The following NBEA variants were observed in gnomAD, a reference collection of about 807,000 sequenced individuals.
NBEA encodes lysosomal-trafficking regulator 2.
NBEA carries 44 observed loss-of-function variants against 343.4 expected under a neutral mutation model. The ratio of observed to expected loss-of-function variants is 0.13; its 90% confidence interval spans 0.10 to 0.16. The LOEUF (loss-of-function observed/expected upper bound fraction) is 0.16, where lower values mean the gene tolerates loss of function less well. Ranked by LOEUF, NBEA falls within the 10% of genes least tolerant of loss-of-function variation. NBEA has a pLI of 1.00. For synonymous variants in NBEA, 1,175 were observed against 1,238.7 expected, an observed-to-expected ratio of 0.95 and a Z score of 1.08; for missense variants, 2,555 against 3,631.3, an observed-to-expected ratio of 0.70 and a Z score of 7.62.
intron 33 of NBEA, among the ~76,000 whole-genome samples, chr13:35,216,532 A>C (rs902360992): frequency 1.3e-5 from 2 of 151,972 alleles, no homozygotes; most frequent in South Asian, 4.1e-4. Context: ...GTATATGAGC[A>C]TTTAAAGCCA....
At chr13:35,462,723 G>GT (rs2046977313) in intron 40 of NBEA, among the ~76,000 whole-genome samples, 1 of 151,878 alleles carries the variant, frequency 6.6e-6, no homozygotes, top group African/African-American at 2.4e-5. Flanking sequence ...CAAAGCAGCA[G>GT]TGATGAGAGC....
At chr13:35,182,053 T>G (rs1726301778) in intron 28 of NBEA, among the ~76,000 whole-genome samples, 1 of 151,736 alleles carries the variant, frequency 6.6e-6, no homozygotes, top group South Asian at 2.1e-4. Flanking sequence ...CTACATATTT[T>G]ATAAGCACAC....
intron 31 of NBEA, among the ~76,000 whole-genome samples, chr13:35,198,985 A>G (rs1218454513): frequency 6.6e-6 from 1 of 152,126 alleles, no homozygotes; most frequent in East Asian, 1.9e-4. Flanking sequence ...CAGGAGGCAC[A>G]AATTGGTGTG....
intron 48 of NBEA, among the ~76,000 whole-genome samples, chr13:35,607,363 T>A (rs569503277): frequency 3.9e-5 from 6 of 152,280 alleles, no homozygotes; most frequent in Admixed American, 3.9e-4. Context: ...TATCTGGGTG[T>A]TTAAATGAGA....
chr13:35,365,349 A>C (rs945601612), intron 38 of NBEA, among the ~76,000 whole-genome samples: 1 of 151,652 alleles, frequency 6.6e-6, no homozygotes, highest in Non-Finnish European at 1.5e-5. Context: ...AATAAAAATT[A>C]GTTTTTGGAT....
chr13:35,479,371 A>G (rs527645700), intron 41 of NBEA, among the ~76,000 whole-genome samples: 7 of 152,282 alleles, frequency 4.6e-5, no homozygotes, highest in African/African-American at 1.7e-4. Context: ...TACACTGAAC[A>G]CGTGAAATGA....
At chr13:35,217,461 T>C (rs117834389) in intron 33 of NBEA, among the ~76,000 whole-genome samples, 2 of 152,098 alleles carry the variant, frequency 1.3e-5, no homozygotes, top group Non-Finnish European at 2.9e-5. Flanking sequence ...TTTCCCAAAA[T>C]TTATATTGTA....
chr13:35,285,410 A>G (rs1263891509), intron 34 of NBEA, among the ~76,000 whole-genome samples: 1 of 152,198 alleles, frequency 6.6e-6, no homozygotes, highest in African/African-American at 2.4e-5. Flanking sequence ...TAAAATTCAG[A>G]TTGTCAGTAT....
chr13:35,652,734 G>T (rs1465845924), intron 53 of NBEA, among the ~76,000 whole-genome samples: 3 of 102,906 alleles, frequency 2.9e-5, no homozygotes, highest in Middle Eastern at 0.013. Flanking sequence ...TCGCTCTGTC[G>T]CCCAGGCTGG....
intron 48 of NBEA, among the ~76,000 whole-genome samples, chr13:35,627,448 T>C (rs1021793851): frequency 6.6e-6 from 1 of 152,190 alleles, no homozygotes; most frequent in Admixed American, 6.5e-5. Flanking sequence ...GCCTTTTTTT[T>C]TTCTTTTTTC....
Position 35,538,754 on chromosome 13 carries a change from C to A in NBEA, c.6586-11723C>A, listed in dbSNP as rs558837982. Among the ~76,000 whole-genome samples, 338 of 152,318 alleles carry A rather than the reference C, an allele frequency of 2.2e-3. 2 individuals are homozygous for A. The highest frequency in any genetic ancestry group is 7.8e-3 in the African/African-American group (326 of 41,566). ...TGAGGTGGGATGTGGAATTTTCTACCTGTGGCCTCATGTTAGCACTCAAAA... is the reference window on the plus strand; with the variant it reads ...TGAGGTGGGATGTGGAATTTTCTACATGTGGCCTCATGTTAGCACTCAAAA... On this transcript the variant is annotated intron_variant, in intron 41 of 58. Coordinates refer to ENST00000379939, the MANE Select transcript of NBEA (RefSeq NM_001385012.1).
chr13:35,650,158 ACC>A (rs1437982754), intron 52 of NBEA, among the ~76,000 whole-genome samples: 3 of 152,028 alleles, frequency 2.0e-5, no homozygotes, highest in African/African-American at 7.2e-5. Context: ...AAAAAAATAC[ACC>A]CTTCTTTTTT....
At chr13:35,501,033 C>G (rs2076868946) in intron 41 of NBEA, among the ~76,000 whole-genome samples, 1 of 152,098 alleles carries the variant, frequency 6.6e-6, no homozygotes, top group African/African-American at 2.4e-5. Context: ...CGCTAGAGAA[C>G]TGTTGCTGTG....
At chr13:35,254,277 G>A (rs896888856) in intron 34 of NBEA, among the ~76,000 whole-genome samples, 1 of 148,196 alleles carries the variant, frequency 6.7e-6, no homozygotes, top group African/African-American at 2.5e-5. Context: ...AAATTATATT[G>A]TAAAACTTAA....
chr13:35,385,711 A>G (rs991334520), intron 38 of NBEA, among the ~76,000 whole-genome samples: 1 of 152,194 alleles, frequency 6.6e-6, no homozygotes, highest in Non-Finnish European at 1.5e-5. Context: ...TCTAAAAATA[A>G]TAATAAAAAA....
intron 18 of NBEA, among the ~76,000 whole-genome samples, chr13:35,147,248 G>A (rs2068489695): frequency 2.6e-5 from 4 of 152,322 alleles, no homozygotes; most frequent in Admixed American, 2.0e-4. Flanking sequence ...GTTAGCATAA[G>A]CCTGGGCCTC....
chr13:35,500,550 G>A (rs1360273989), intron 41 of NBEA, among the ~76,000 whole-genome samples: 2 of 152,040 alleles, frequency 1.3e-5, no homozygotes, highest in African/African-American at 4.8e-5. Flanking sequence ...GGCTGATAAA[G>A]AAGAGTGTTT....
At chr13:35,403,886 A>G (rs981096738) in intron 38 of NBEA, among the ~76,000 whole-genome samples, 1 of 152,198 alleles carries the variant, frequency 6.6e-6, no homozygotes, top group African/African-American at 2.4e-5. Context: ...CAGAATCTAC[A>G]AAGAACTCAA....
chr13:35,157,633 G>T (rs1476959850), intron 21 of NBEA, among the ~76,000 whole-genome samples: 2 of 152,028 alleles, frequency 1.3e-5, no homozygotes, highest in Non-Finnish European at 2.9e-5. Flanking sequence ...TAAGAAGTCA[G>T]ATTTTTTTAT....
Sources: allele counts gnomAD v4.1 joint callset (sites outside exome capture counted in the v4.1 genomes callset), GRCh38; gene constraint gnomAD v4.1.1; transcripts MANE v1.5; gene names NCBI Gene and HGNC (gene_info 2026-07-23, HGNC 2026-07-21).